METTL16: variants seen among roughly 807,000 people sequenced by gnomAD.
METTL16 encodes methyltransferase 16, RNA N6-adenosine.
METTL16 carries 19 observed loss-of-function variants against 57.9 expected under a neutral mutation model. The ratio of observed to expected loss-of-function variants is 0.33; its 90% confidence interval spans 0.23 to 0.48. The LOEUF (loss-of-function observed/expected upper bound fraction) is 0.48, where lower values mean the gene tolerates loss of function less well. Ranked by LOEUF, METTL16 falls within the 20% of genes least tolerant of loss-of-function variation. The probability of loss-of-function intolerance (pLI) is 0.99; values close to 1 mark genes in which losing one functional copy is unlikely to be tolerated. For missense variants in METTL16, 434 were observed against 691.5 expected (o/e 0.63, Z 4.18); for synonymous variants, 246 against 255.6 (o/e 0.96, Z 0.36).
At chr17:2,452,128 C>T (rs1377886900) in intron 6 of METTL16, among the ~76,000 whole-genome samples, 1 of 139,230 alleles carries the variant, frequency 7.2e-6, no homozygotes, top group Admixed American at 7.0e-5. Context: ...CAGAGCAAGC[C>T]CTTGTCTCAA....
intron 6 of METTL16, among the ~76,000 whole-genome samples, chr17:2,445,546 G>A (rs1597446850): frequency 6.6e-6 from 1 of 152,178 alleles, no homozygotes; most frequent in East Asian, 1.9e-4. Flanking sequence ...AGCACTTTGG[G>A]AGGCTGAGGT....
At position 2,511,812 on chromosome 17, in the gene METTL16, C is replaced by T; in HGVS notation, c.-54G>A. ...CGTGTCTGGCGTGGGCCTGTACAAC[C>T]CTAGAATCTTAAAGCAGCCGCATAG... On this transcript the variant is annotated 5_prime_UTR_variant, in exon 1 of 10. Transcript: ENST00000263092. 5.0e-6 allele frequency: 2 copies of T among 398,590 alleles called. No homozygotes were observed. The highest frequency in any genetic ancestry group is 8.8e-6 in the Non-Finnish European group (2 of 226,074). The allele number at this position is 398,590 out of a possible 1,614,324, so 24.7% of individuals were successfully genotyped here. A position where few individuals can be genotyped will look rare whatever the true frequency, so the allele number is the denominator to read the frequency against.
chr17:2,417,399 T>C lies in METTL16; in HGVS notation c.*2571A>G, dbSNP rs918374085. Reference sequence around the variant, plus strand: ...TTTTTAAAACTCTAAGGTCATTAGCTTGACATCTATAAAATCTCCTCCATG... The same window carrying C: ...TTTTTAAAACTCTAAGGTCATTAGCCTGACATCTATAAAATCTCCTCCATG... On this transcript the variant is annotated 3_prime_UTR_variant, in exon 10 of 10. Coordinates refer to ENST00000263092, the MANE Select transcript of METTL16 (RefSeq NM_024086.4). 2.0e-5 allele frequency: 3 copies of C among 152,058 alleles called. No individual in the cohort carries two copies. Among genetic ancestry groups the C allele is most frequent in the African/African-American group, 7.2e-5 (3 of 41,396 alleles). 9.4% of individuals were successfully genotyped at this position (152,058 alleles called of 1,614,324 possible). A position where few individuals can be genotyped will look rare whatever the true frequency, so the allele number is the denominator to read the frequency against.
intron 6 of METTL16, among the ~76,000 whole-genome samples, chr17:2,445,745 C>T (rs1252764036): frequency 1.3e-5 from 2 of 151,118 alleles, no homozygotes; most frequent in Non-Finnish European, 2.9e-5. Flanking sequence ...GAGATGGTGC[C>T]ACTCCACTCC....
At chr17:2,423,261 G>GGTGTGTGTGTGTGTGTGTGTGT (rs58486923) in intron 8 of METTL16, among the ~76,000 whole-genome samples, 2 of 143,602 alleles carry the variant, frequency 1.4e-5, no homozygotes, top group Admixed American at 7.1e-5. Context: ...AAAAACAAAG[G>GGTGTGTGTGTGTGTGTGTGTGT]GTGTGTGTGT....
chr17:2,463,766 C>CT (rs2067170676), intron 6 of METTL16, among the ~76,000 whole-genome samples: 1 of 151,924 alleles, frequency 6.6e-6, no homozygotes. Context: ...AGCCTGCAAT[C>CT]TTTATCTGCT....
In METTL16 at chr17:2,504,174, T is replaced by A. The variant is rs568109683; in HGVS notation, c.1-1843A>T. ...ATGAGGCACCCAGTAGAGGTAAATT[T>A]ATTACACAGATGGAGAGTGGAATAG... On this transcript the variant is annotated intron_variant, in intron 1 of 9. Transcript: ENST00000263092. 5.9e-5 allele frequency among the ~76,000 whole-genome samples: 9 copies of A among 152,310 alleles called. No homozygotes were observed. The East Asian group carries it at 1.5e-3, about 26-fold the overall frequency.
In METTL16 at chr17:2,419,963, G is replaced by A; in HGVS notation, c.*7C>T. The A allele has an allele frequency of 3.1e-6, 5 of 1,613,742 alleles. No individual in the cohort carries two copies. The highest frequency in any genetic ancestry group is 4.2e-6 in the Non-Finnish European group (5 of 1,179,748). On this transcript the variant is annotated 3_prime_UTR_variant, in exon 10 of 10. Transcript: ENST00000263092. ...TATCAACACGTTTCCAACTGTGCAG[G>A]AGGTTTCTAGTTAACTGCAACAAGC...
At chr17:2,464,153 G>A (rs931233186) in intron 6 of METTL16, 55 bp downstream of exon 6, 16 of 1,547,982 alleles carry the variant, frequency 1.0e-5, no homozygotes, top group Middle Eastern at 1.8e-4. Flanking sequence ...ACTACATAGC[G>A]GGTAAATATT....
intron 2 of METTL16, among the ~76,000 whole-genome samples, chr17:2,489,732 CA>C (rs61506042): frequency 0.014 from 857 of 60,312 alleles, 29 homozygotes; most frequent in Non-Finnish European, 0.018. Flanking sequence ...GAGCGAGACT[CA>C]AAAAAAAAAA....
At chr17:2,462,838 T>C (rs1475003710) in intron 6 of METTL16, among the ~76,000 whole-genome samples, 1 of 152,190 alleles carries the variant, frequency 6.6e-6, no homozygotes, top group Non-Finnish European at 1.5e-5. Context: ...CTAATACAGA[T>C]GGTAAATTTT....
At chr17:2,449,037 A>G (rs1288057856) in intron 6 of METTL16, among the ~76,000 whole-genome samples, 1 of 150,920 alleles carries the variant, frequency 6.6e-6, no homozygotes, top group African/African-American at 2.4e-5. Context: ...AAAAAAAAAA[A>G]AAGTAAAATA....
At chr17:2,427,448 TGA>T (rs1481162834) in intron 8 of METTL16, among the ~76,000 whole-genome samples, 1 of 152,200 alleles carries the variant, frequency 6.6e-6, no homozygotes, top group African/African-American at 2.4e-5. Context: ...AAATCCATCA[TGA>T]GAGTCTCCAA....
intron 6 of METTL16, among the ~76,000 whole-genome samples, chr17:2,449,291 C>T (rs1022086754): frequency 2.0e-5 from 3 of 152,132 alleles, no homozygotes; most frequent in African/African-American, 4.8e-5. Flanking sequence ...AAATTCAACA[C>T]AATCCCAACC....
intron 2 of METTL16, among the ~76,000 whole-genome samples, chr17:2,495,413 T>C (rs2067436039): frequency 6.6e-6 from 1 of 152,028 alleles, no homozygotes; most frequent in Admixed American, 6.6e-5. Flanking sequence ...AAAGATGATT[T>C]CGGCTGGGTG....
intron 3 of METTL16, 36 bp from the exon 4 acceptor site, chr17:2,473,700 C>A: frequency 1.9e-6 from 3 of 1,594,058 alleles, no homozygotes; most frequent in Non-Finnish European, 2.6e-6. Flanking sequence ...ATTCTACACA[C>A]CAGAGGGAAA....
intron 6 of METTL16, among the ~76,000 whole-genome samples, chr17:2,454,069 C>T (rs2067091062): frequency 6.6e-6 from 1 of 152,148 alleles, no homozygotes. Flanking sequence ...GTTGTCCCAG[C>T]TTTGCCCTGA....
At chr17:2,428,098 C>T (rs1390521854) in intron 8 of METTL16, among the ~76,000 whole-genome samples, 2 of 151,894 alleles carry the variant, frequency 1.3e-5, no homozygotes, top group African/African-American at 4.8e-5. Context: ...CAAGAACTTG[C>T]AACATATTTC....
At chr17:2,436,340 T>C (rs925354268) in intron 8 of METTL16, among the ~76,000 whole-genome samples, 5 of 152,116 alleles carry the variant, frequency 3.3e-5, no homozygotes, top group African/African-American at 9.7e-5. Flanking sequence ...CTACCCTTCA[T>C]GGAAGGGCCA....
Sources: gnomAD v4.1 joint callset for allele counts (sites outside exome capture counted in the v4.1 genomes callset) on GRCh38, gnomAD v4.1.1 for gene constraint, MANE v1.5 for transcripts, NCBI Gene and HGNC (gene_info 2026-07-23, HGNC 2026-07-21) for gene names.